Variants in CADM1 observed in about 807,000 individuals in gnomAD.
The protein encoded by CADM1 is cell adhesion molecule 1.
CADM1 carries 15 observed loss-of-function variants against 53.1 expected under a neutral mutation model. The ratio of observed to expected loss-of-function variants is 0.28; its 90% CI spans 0.19 to 0.44. The LOEUF is 0.44. Among genes scored for constraint, CADM1 ranks in the 20% least tolerant of loss-of-function variants. CADM1 has a pLI of 1.00. For missense variants in CADM1, 434 were observed against 611.3 expected (o/e 0.71, Z 3.06); for synonymous variants, 281 against 243.0 (o/e 1.16, Z -1.45).
chr11:115,197,855 A>G (rs986066385), intron 9 of CADM1, among the ~76,000 whole-genome samples: 12 of 152,210 alleles, frequency 7.9e-5, no homozygotes, highest in African/African-American at 2.9e-4. Flanking sequence ...GTGGTGGGGT[A>G]CATATGATTA....
chr11:115,300,658 T>C (rs1474981071), intron 1 of CADM1, among the ~76,000 whole-genome samples: 1 of 152,112 alleles, frequency 6.6e-6, no homozygotes, highest in South Asian at 2.1e-4. Context: ...ATTTACAATG[T>C]ACCTTAACAG....
At chr11:115,473,917 G>A (rs1460978254) in intron 1 of CADM1, among the ~76,000 whole-genome samples, 2 of 151,972 alleles carry the variant, frequency 1.3e-5, no homozygotes, top group Non-Finnish European at 2.9e-5. Flanking sequence ...ATGAGAAAAC[G>A]TATGCAAATC....
chr11:115,217,285 A>AT (rs1165005103), intron 6 of CADM1, among the ~76,000 whole-genome samples: 4 of 152,170 alleles, frequency 2.6e-5, no homozygotes, highest in African/African-American at 9.7e-5. Flanking sequence ...TGGCTCCTTT[A>AT]TACTTTCAAT....
intron 1 of CADM1, among the ~76,000 whole-genome samples, chr11:115,392,244 A>G (rs898691172): frequency 5.3e-5 from 8 of 152,070 alleles, no homozygotes; most frequent in African/African-American, 1.9e-4. Flanking sequence ...TATATGTTCT[A>G]TGCAGGGGGA....
intron 1 of CADM1, among the ~76,000 whole-genome samples, chr11:115,319,898 T>G (rs139540269): frequency 1.3e-5 from 2 of 152,180 alleles, no homozygotes; most frequent in Non-Finnish European, 2.9e-5. Context: ...CTAACAACCC[T>G]AAAATTATCA....
chr11:115,260,369 AAT>A (rs1299366895), intron 1 of CADM1, among the ~76,000 whole-genome samples: 1 of 152,258 alleles, frequency 6.6e-6, no homozygotes, highest in African/African-American at 2.4e-5. Flanking sequence ...TGTATCAGGT[AAT>A]ATGTCACATC....
chr11:115,218,451 A>G (rs182470264), intron 5 of CADM1, among the ~76,000 whole-genome samples: 12 of 152,334 alleles, frequency 7.9e-5, no homozygotes, highest in African/African-American at 2.9e-4. Context: ...TCAAATGAGA[A>G]AGGCAGACTG....
chr11:115,376,962 C>A (rs934688640), intron 1 of CADM1, among the ~76,000 whole-genome samples: 6 of 152,058 alleles, frequency 3.9e-5, no homozygotes, highest in African/African-American at 9.7e-5. Context: ...AAACTTTAGA[C>A]AAGGTTAATG....
rs1437077551 is a variant in CADM1, at chr11:115,192,295, C to T, written c.1112-1354G>A. On this transcript the variant is annotated intron_variant, in intron 9 of 11. Transcript: ENST00000331581. ...GAACTTCCATCATGACCCTTGGGTG[C>T]TAATAGTTAACAGCAGGTGCTGATT... Among the ~76,000 whole-genome samples, 3 of 152,142 alleles carry T rather than the reference C, an allele frequency of 2.0e-5. No homozygotes were observed. In the East Asian group the frequency reaches 5.8e-4, roughly 29 times the overall value.
At chr11:115,488,093 A>G (rs1207110430) in intron 1 of CADM1, among the ~76,000 whole-genome samples, 1 of 152,096 alleles carries the variant, frequency 6.6e-6, no homozygotes, top group African/African-American at 2.4e-5. Flanking sequence ...ATCAAGGAAG[A>G]CATAGCATTC....
intron 1 of CADM1, among the ~76,000 whole-genome samples, chr11:115,385,529 A>AAAT (rs994330655): frequency 1.3e-5 from 2 of 152,132 alleles, no homozygotes; most frequent in African/African-American, 4.8e-5. Context: ...ACATATTTGA[A>AAAT]AATATGATTT....
intron 1 of CADM1, among the ~76,000 whole-genome samples, chr11:115,388,135 A>T (rs1946745406): frequency 6.6e-6 from 1 of 152,192 alleles, no homozygotes; most frequent in African/African-American, 2.4e-5. Flanking sequence ...AAAATAATTA[A>T]GAAAAGTAGT....
chr11:115,438,524 T>TAAA (rs148570903), intron 1 of CADM1, among the ~76,000 whole-genome samples: 2,026 of 151,090 alleles, frequency 0.013, 30 homozygotes, highest in Non-Finnish European at 0.021. Context: ...TTGGGAAATG[T>TAAA]AAAAAAAAAT....
chr11:115,235,171 T>A (rs1430477182), intron 3 of CADM1, among the ~76,000 whole-genome samples: 1 of 149,502 alleles, frequency 6.7e-6, no homozygotes, highest in Non-Finnish European at 1.5e-5. Flanking sequence ...TTTGCTCAGT[T>A]TTTTTTTTTT....
At chr11:115,502,199 C>T (rs1189348505) in intron 1 of CADM1, among the ~76,000 whole-genome samples, 1 of 152,124 alleles carries the variant, frequency 6.6e-6, no homozygotes, top group Non-Finnish European at 1.5e-5. Context: ...CTACCCGGTG[C>T]CTTCAATGAG....
chr11:115,205,694 G>C (rs1940642111), intron 8 of CADM1, among the ~76,000 whole-genome samples: 3 of 152,138 alleles, frequency 2.0e-5, no homozygotes, highest in African/African-American at 7.2e-5. Flanking sequence ...AGGAACAGGG[G>C]CTTGCCAATA....
chr11:115,185,698 A>T (rs1939509971), intron 10 of CADM1, among the ~76,000 whole-genome samples: 1 of 152,238 alleles, frequency 6.6e-6, no homozygotes, highest in Non-Finnish European at 1.5e-5. Context: ...ATCTCATGAT[A>T]GCACAGATTT....
At chr11:115,338,763 T>C (rs989843048) in intron 1 of CADM1, among the ~76,000 whole-genome samples, 3 of 152,050 alleles carry the variant, frequency 2.0e-5, no homozygotes, top group African/African-American at 7.2e-5. Flanking sequence ...TTCTTAATCC[T>C]TCCTGGCATA....
At chr11:115,367,273 A>T (rs1946189340) in intron 1 of CADM1, among the ~76,000 whole-genome samples, 1 of 152,218 alleles carries the variant, frequency 6.6e-6, no homozygotes, top group Non-Finnish European at 1.5e-5. Flanking sequence ...TCTCTTTTGT[A>T]TGATATCCTG....
Sources: allele counts gnomAD v4.1 joint callset (sites outside exome capture counted in the v4.1 genomes callset), GRCh38; gene constraint gnomAD v4.1.1; transcripts MANE v1.5; gene names NCBI Gene and HGNC (gene_info 2026-07-23, HGNC 2026-07-21).